Variants in FGF14 observed in about 807,000 individuals in gnomAD.
FGF14 encodes fibroblast growth factor 14.
In FGF14, 5 loss-of-function variants were observed where a neutral mutation model predicts 25.5. That is an observed-to-expected ratio of 0.20 (90% confidence interval 0.10 to 0.41). The LOEUF is 0.41. Ranked by LOEUF, FGF14 falls within the 10% of genes least tolerant of loss-of-function variation. FGF14 has a pLI of 1.00. For missense variants in FGF14, 222 were observed against 320.1 expected, an observed-to-expected ratio of 0.69 and a Z score of 2.34; for synonymous variants, 138 against 118.3, an observed-to-expected ratio of 1.17 and a Z score of -1.08.
chr13:102,100,498 G>C (rs1030674231), intron 1 of FGF14, among the ~76,000 whole-genome samples: 2 of 152,196 alleles, frequency 1.3e-5, no homozygotes, highest in Non-Finnish European at 2.9e-5. Flanking sequence ...CAGCATGTCA[G>C]GTGCACAGAC....
chr13:102,330,632 TC>T (rs1458435919), intron 1 of FGF14, among the ~76,000 whole-genome samples: 2 of 152,116 alleles, frequency 1.3e-5, no homozygotes, highest in Non-Finnish European at 2.9e-5. Context: ...CCCGCCCCAC[TC>T]CCATTTCAAG....
At chr13:101,813,453 T>A (rs1424796424) in intron 3 of FGF14, among the ~76,000 whole-genome samples, 2 of 152,218 alleles carry the variant, frequency 1.3e-5, no homozygotes, top group Non-Finnish European at 2.9e-5. Flanking sequence ...TTGGCACTTT[T>A]GACCCACTCT....
intron 1 of FGF14, among the ~76,000 whole-genome samples, chr13:102,168,900 T>C (rs1472989109): frequency 6.6e-6 from 1 of 151,956 alleles, no homozygotes; most frequent in Non-Finnish European, 1.5e-5. Context: ...CATTGTAAAA[T>C]ACTGATTCCT....
At chr13:102,067,416 A>T (rs1292655210) in intron 1 of FGF14, among the ~76,000 whole-genome samples, 1 of 151,952 alleles carries the variant, frequency 6.6e-6, no homozygotes, top group African/African-American at 2.4e-5. Context: ...ATGTAATGAG[A>T]TGCTTTCTTT....
intron 1 of FGF14, among the ~76,000 whole-genome samples, chr13:101,961,617 C>T (rs930176055): frequency 6.6e-6 from 1 of 152,122 alleles, no homozygotes; most frequent in Admixed American, 6.5e-5. Flanking sequence ...GTTATGGGAG[C>T]AACCTGGTGG....
At chr13:101,970,031 C>A (rs1042998425) in intron 1 of FGF14, among the ~76,000 whole-genome samples, 1 of 152,152 alleles carries the variant, frequency 6.6e-6, no homozygotes, top group East Asian at 1.9e-4. Context: ...TCTTGATTGT[C>A]TTTTATTTTA....
At chr13:101,916,976 A>G (rs910805013), upstream of FGF14, among the ~76,000 whole-genome samples, 4 of 151,292 alleles carry the variant, frequency 2.6e-5, no homozygotes, top group East Asian at 7.8e-4. Context: ...CGTCGCAGGA[A>G]CCCCGGCGGG....
At chr13:101,940,776 G>T (rs775288720) in intron 1 of FGF14, among the ~76,000 whole-genome samples, 7 of 152,124 alleles carry the variant, frequency 4.6e-5, no homozygotes, top group African/African-American at 7.2e-5. Context: ...AATTCCATGA[G>T]ATCAGGGGTC....
intron 1 of FGF14, among the ~76,000 whole-genome samples, chr13:102,372,537 C>T (rs887283364): frequency 1.3e-5 from 2 of 152,070 alleles, no homozygotes; most frequent in African/African-American, 4.8e-5. Context: ...AATCTAAGGG[C>T]GTCAACCATC....
At chr13:101,793,943 C>T (rs773292030) in intron 3 of FGF14, among the ~76,000 whole-genome samples, 5 of 151,968 alleles carry the variant, frequency 3.3e-5, no homozygotes, top group Non-Finnish European at 7.4e-5. Context: ...CTTGCAGATA[C>T]ATGGAAATAT....
At chr13:102,396,418 TAGA>T (rs1289706826) in intron 1 of FGF14, among the ~76,000 whole-genome samples, 1 of 152,226 alleles carries the variant, frequency 6.6e-6, no homozygotes, top group Non-Finnish European at 1.5e-5. Flanking sequence ...GTGGTATTTA[TAGA>T]AGGCGTATGA....
chr13:102,393,799 G>C (rs969692546), intron 1 of FGF14: 1 of 152,230 alleles, frequency 6.6e-6, no homozygotes, highest in Non-Finnish European at 1.5e-5. Context: ...TCTTGGAACA[G>C]TCGCTTCCTC....
intron 3 of FGF14, among the ~76,000 whole-genome samples, chr13:101,766,459 T>C (rs1250792059): frequency 2.0e-5 from 3 of 152,140 alleles, no homozygotes; most frequent in Admixed American, 2.0e-4. Flanking sequence ...AGCAGACTCT[T>C]GCAATATGTT....
In FGF14 at chr13:102,400,776, AG is replaced by A. The variant is rs926327810; in HGVS notation, c.208+694del. Among the ~76,000 whole-genome samples the A allele has an allele frequency of 6.6e-6, 1 of 152,034 alleles. No homozygotes were observed. ...GCAGGGCTTTGACACCGCTTTCTAA[AG>A]GGGGGGACTTCAATTACAAATATTA... On this transcript the variant is annotated intron_variant, in intron 1 of 4. Coordinates refer to the FGF14 transcript ENST00000376131. This position sits in a 1 kb window ranked among gnomAD's most constrained non-coding sequence, Gnocchi z 4.3.
chr13:101,938,831 T>C (rs2035266228), intron 1 of FGF14, among the ~76,000 whole-genome samples: 1 of 152,242 alleles, frequency 6.6e-6, no homozygotes, highest in African/African-American at 2.4e-5. Context: ...AGGACATAGA[T>C]GATAATTCAG....
chr13:102,376,829 G>A (rs1255550611), intron 1 of FGF14, among the ~76,000 whole-genome samples: 4 of 152,128 alleles, frequency 2.6e-5, no homozygotes, highest in Non-Finnish European at 5.9e-5. Context: ...CATATTCTCT[G>A]AGCACATTGG....
At chr13:102,275,574 C>T (rs903076852) in intron 1 of FGF14, among the ~76,000 whole-genome samples, 4 of 152,050 alleles carry the variant, frequency 2.6e-5, no homozygotes, top group Non-Finnish European at 1.5e-5. Context: ...AAATTACTTG[C>T]CAATAATCTC....
At chr13:101,782,168 C>G (rs1216139932) in intron 3 of FGF14, among the ~76,000 whole-genome samples, 1 of 152,196 alleles carries the variant, frequency 6.6e-6, no homozygotes, top group Admixed American at 6.5e-5. Context: ...ATGTCCCCAA[C>G]TGGCTCCTTG....
chr13:101,728,890 C>T (rs1397197605), intron 3 of FGF14, among the ~76,000 whole-genome samples: 4 of 152,106 alleles, frequency 2.6e-5, no homozygotes, highest in Non-Finnish European at 2.9e-5. Context: ...CTCTTCTGAT[C>T]GTCACTGCCA....
Sources: allele counts gnomAD v4.1 joint callset (sites outside exome capture counted in the v4.1 genomes callset), GRCh38; gene constraint gnomAD v4.1.1; non-coding constraint Gnocchi (gnomAD v3.1); transcripts MANE v1.5; gene names NCBI Gene and HGNC (gene_info 2026-07-23, HGNC 2026-07-21).